GFRA2: variants seen among roughly 807,000 people sequenced by gnomAD.
The protein encoded by GFRA2 is GDNF family receptor alpha-2.
In GFRA2, 17 loss-of-function variants were observed where a neutral mutation model predicts 48.3. The ratio of observed to expected loss-of-function variants is 0.35; its 90% confidence interval spans 0.24 to 0.53. GFRA2 has a LOEUF of 0.53. Among genes scored for constraint, GFRA2 ranks in the 20% least tolerant of loss-of-function variants. The probability of loss-of-function intolerance (pLI) is 0.93; values close to 1 mark genes in which losing one functional copy is unlikely to be tolerated. For synonymous variants in GFRA2, 305 were observed against 257.2 expected (o/e 1.19, Z -1.78); for missense variants, 660 against 637.3 (o/e 1.04, Z -0.38).
rs373813925 is a variant in GFRA2 at position 21,774,959 on chromosome 8, C to A, written c.439+13G>T. 5.3e-6 allele frequency: 8 copies of A among 1,497,030 alleles called. No individual in the cohort carries two copies. In the African/African-American group the frequency reaches 8.2e-5, roughly 15 times the overall value. The allele number at this position is 1,497,030 out of a possible 1,614,324, so 92.7% of individuals were successfully genotyped here. ...GAGGAGAACGGGCCAAGTCCCAGTG[C>A]GAGCTCACTTACCTGAGAAGATTGA... On this transcript the variant is annotated intron_variant, in intron 3 of 8. Transcript: ENST00000524240.
At chr8:21,730,428 T>G (rs1304728496) in intron 4 of GFRA2, among the ~76,000 whole-genome samples, 1 of 151,546 alleles carries the variant, frequency 6.6e-6, no homozygotes, top group Non-Finnish European at 1.5e-5. Flanking sequence ...TTACCCATCC[T>G]CTCGCAACAG....
chr8:21,790,202 G>A (rs1311322714), upstream of GFRA2: 1 of 587,760 alleles, frequency 1.7e-6, no homozygotes, highest in Non-Finnish European at 2.1e-6. Context: ...GCGCGGGGTC[G>A]CGGTCGCGCG....
At chr8:21,787,477 T>TGGCTCGG (rs1807340228) in intron 1 of GFRA2, among the ~76,000 whole-genome samples, 1 of 152,130 alleles carries the variant, frequency 6.6e-6, no homozygotes, top group South Asian at 2.1e-4. Flanking sequence ...CCCACCCATC[T>TGGCTCGG]GGCTCGGGGC....
At chr8:21,735,203 T>A (rs1186637789) in intron 4 of GFRA2, among the ~76,000 whole-genome samples, 1 of 152,166 alleles carries the variant, frequency 6.6e-6, no homozygotes, top group Admixed American at 6.5e-5. Flanking sequence ...TTGACTGAGA[T>A]CTGTCTCAAA....
At chr8:21,705,547 A>T (rs988476299) in intron 5 of GFRA2, among the ~76,000 whole-genome samples, 2 of 152,168 alleles carry the variant, frequency 1.3e-5, no homozygotes, top group African/African-American at 4.8e-5. Context: ...CTACAGCCTC[A>T]GTTTCCTCAT....
intron 4 of GFRA2, among the ~76,000 whole-genome samples, chr8:21,735,004 C>T (rs868607351): frequency 9.9e-5 from 15 of 152,258 alleles, no homozygotes; most frequent in Middle Eastern, 3.4e-3. Flanking sequence ...GCCCCCTCCC[C>T]GCTTCAAGTT....
At chr8:21,772,109 T>A (rs1806464973) in intron 3 of GFRA2, among the ~76,000 whole-genome samples, 1 of 152,126 alleles carries the variant, frequency 6.6e-6, no homozygotes, top group East Asian at 1.9e-4. Context: ...TGTGCCTTGA[T>A]GGGACAAAGG....
chr8:21,703,723 C>A (rs1271044579), intron 6 of GFRA2, among the ~76,000 whole-genome samples: 1 of 152,200 alleles, frequency 6.6e-6, no homozygotes, highest in Non-Finnish European at 1.5e-5. Context: ...GCACTGGCAG[C>A]CCGCTGAGCT....
In GFRA2 at chr8:21,695,736, C is replaced by T. The variant is rs570174658; in HGVS notation, c.1219-1219G>A. ...TGCTGTTCCAGCTAAGACTGTGAGG[C>T]CACGGGGAAGGGTGTCAGGGAAAAA... is the stretch of plus-strand genomic sequence containing the variant. On this transcript the variant is annotated intron_variant, in intron 7 of 8. Coordinates refer to ENST00000524240, the MANE Select transcript of GFRA2 (RefSeq NM_001495.5). Among the ~76,000 whole-genome samples the T allele has an allele frequency of 3.3e-5, 5 of 152,254 alleles. No individual in the cohort carries two copies. The South Asian group carries it at 8.3e-4, about 25-fold the overall frequency.
upstream of GFRA2, among the ~76,000 whole-genome samples, chr8:21,789,851 AC>A (rs1352083733): frequency 6.6e-6 from 1 of 151,812 alleles, no homozygotes; most frequent in African/African-American, 2.4e-5. Context: ...AGGCCGGCAA[AC>A]CTGCCTGAAC....
chr8:21,716,497 G>A (rs1387409300), intron 4 of GFRA2, among the ~76,000 whole-genome samples: 1 of 152,122 alleles, frequency 6.6e-6, no homozygotes, highest in Non-Finnish European at 1.5e-5. Context: ...AGGAGTGTTG[G>A]AGTAGGCAGA....
rs151122772 is a variant in GFRA2, at chr8:21,743,945, T to C, written c.794+6643A>G. Reference sequence around the variant, plus strand: ...TTTCTAGAAAATACACACAAAACTTTCTGTATAATTTCAAGATATTCAAGG... The same window carrying C: ...TTTCTAGAAAATACACACAAAACTTCCTGTATAATTTCAAGATATTCAAGG... On this transcript the variant is annotated intron_variant, in intron 4 of 8. Transcript: ENST00000524240. 1.3e-3 allele frequency among the ~76,000 whole-genome samples: 196 copies of C among 152,284 alleles called. 1 individual carries two copies. Among genetic ancestry groups the C allele is most frequent in the African/African-American group, 4.6e-3 (190 of 41,556 alleles).
chr8:21,735,835 T>TAA (rs36035646), intron 4 of GFRA2, among the ~76,000 whole-genome samples: 15 of 143,488 alleles, frequency 1.0e-4, no homozygotes, highest in South Asian at 2.2e-4. Flanking sequence ...CCCAGATAAT[T>TAA]AAAAAAAAAA....
In GFRA2 at chr8:21,731,862, T is replaced by C. The variant is rs142658975; in HGVS notation, c.794+18726A>G. On this transcript the variant is annotated intron_variant, in intron 4 of 8. Transcript: ENST00000524240. ...TCACAGTATCTGGCGCTCATTAACA[T>C]GGGGGCCAACAGTTCTATGTAAGTC... is the stretch of plus-strand genomic sequence containing the variant. 8.4e-3 allele frequency among the ~76,000 whole-genome samples: 1,275 copies of C among 152,276 alleles called. 10 individuals carry two copies. Among genetic ancestry groups the C allele is most frequent in the African/African-American group, 0.03 (1,235 of 41,564 alleles).
chr8:21,706,022 G>C lies in GFRA2; in HGVS notation c.814C>G (p.His272Asp). Residue 272 changes from histidine (H) to aspartate (D), a missense_variant, in exon 5 of 9, where the codon CAT (histidine) becomes GAT (aspartate). Transcript: ENST00000524240. Reference protein sequence around the residue: ...HLCRSRLADFHANCRASYQTV... With the variant: ...HLCRSRLADFDANCRASYQTV... ...TGGTAGGAGGCTCGACAATTGGCAT[G>C]GAAGTCGGCCAGCCGGGACCTGGTG... The C allele has an allele frequency of 1.9e-6, 3 of 1,573,660 alleles. No individual in the cohort carries two copies. The highest frequency in any genetic ancestry group is 2.6e-6 in the Non-Finnish European group (3 of 1,159,152).
intron 3 of GFRA2, among the ~76,000 whole-genome samples, chr8:21,763,588 C>A (rs762270372): frequency 1.3e-5 from 2 of 152,110 alleles, no homozygotes; most frequent in African/African-American, 4.8e-5. Context: ...GTAGTCATAT[C>A]CTTGACCTTG....
chr8:21,756,138 GT>G (rs1193413838), intron 3 of GFRA2, among the ~76,000 whole-genome samples: 16 of 152,198 alleles, frequency 1.1e-4, no homozygotes, highest in Non-Finnish European at 1.5e-5. Context: ...CTGCCCCCAG[GT>G]TCCCCAGGTG....
Position 21,693,053 on chromosome 8 carries a change from CA to C in GFRA2, c.*224del. On this transcript the variant is annotated 3_prime_UTR_variant, in exon 9 of 9. Transcript: ENST00000524240. ...TCCCCGGCACCAGAGTTTCCCCTGC[CA>C]GGGGACCCCTGGGCCAGCTCTCAGG... 1 of 377,778 alleles carries C rather than the reference CA, an allele frequency of 2.6e-6. No individual in the cohort carries two copies. The highest frequency in any genetic ancestry group is 4.7e-5 in the South Asian group (1 of 21,054). The allele number at this position is 377,778 out of a possible 1,614,324, so 23.4% of individuals were successfully genotyped here. A position where few individuals can be genotyped will look rare whatever the true frequency, so the allele number is the denominator to read the frequency against.
intron 2 of GFRA2, among the ~76,000 whole-genome samples, chr8:21,799,109 C>T (rs980946651): frequency 2.0e-5 from 3 of 152,204 alleles, no homozygotes; most frequent in Non-Finnish European, 4.4e-5. Context: ...TAGTTCAAAC[C>T]ACTTATCTAC....
Sources: gnomAD v4.1 joint callset for allele counts (sites outside exome capture counted in the v4.1 genomes callset) on GRCh38, gnomAD v4.1.1 for gene constraint, MANE v1.5 for transcripts, NCBI Gene and HGNC (gene_info 2026-07-23, HGNC 2026-07-21) for gene names.